Variants in MKLN1 observed in about 807,000 individuals in gnomAD.
MKLN1 encodes the protein muskelin 1.
MKLN1 carries 18 observed loss-of-function variants against 99.0 expected under a neutral mutation model. The observed-to-expected ratio is 0.18, with a 90% CI of 0.13 to 0.27. MKLN1 has a LOEUF of 0.27. Among genes scored for constraint, MKLN1 ranks in the 10% least tolerant of loss-of-function variants. The pLI, the probability that MKLN1 is intolerant of heterozygous loss-of-function variation, is 1.00. For synonymous variants in MKLN1, 288 were observed against 293.2 expected (o/e 0.98, Z 0.18); for missense variants, 621 against 875.9 (o/e 0.71, Z 3.67).
At chr7:131,169,416 C>T (rs12530892) in intron 2 of MKLN1, among the ~76,000 whole-genome samples, 46,950 of 151,982 alleles carry the variant, frequency 0.31, 8,559 homozygotes, top group Non-Finnish European at 0.42. Flanking sequence ...TACAGTGTCT[C>T]GATAACTATT....
At chr7:131,440,304 C>A (rs1584745113) in intron 10 of MKLN1, among the ~76,000 whole-genome samples, 1 of 152,226 alleles carries the variant, frequency 6.6e-6, no homozygotes, top group Non-Finnish European at 1.5e-5. Context: ...GCCCTGTAAG[C>A]CAGATGAGAG....
At chr7:131,408,035 G>A (rs528493217) in intron 6 of MKLN1, among the ~76,000 whole-genome samples, 2 of 151,818 alleles carry the variant, frequency 1.3e-5, no homozygotes, top group African/African-American at 2.4e-5. Flanking sequence ...GGCCTTTTAC[G>A]TGAATTTATT....
intron 1 of MKLN1, among the ~76,000 whole-genome samples, chr7:131,351,788 G>A (rs1212057694): frequency 6.6e-6 from 1 of 152,116 alleles, no homozygotes. Context: ...CACTTCAGGA[G>A]GCACAAAATG....
chr7:131,281,278 C>T (rs1440313437), intron 3 of MKLN1, among the ~76,000 whole-genome samples: 3 of 151,530 alleles, frequency 2.0e-5, no homozygotes, highest in Admixed American at 2.0e-4. Context: ...GTCCCAGCAA[C>T]ATTTGTTGAA....
chr7:131,429,963 A>G (rs1415128573), intron 9 of MKLN1, among the ~76,000 whole-genome samples: 2 of 152,266 alleles, frequency 1.3e-5, no homozygotes, highest in African/African-American at 4.8e-5. Context: ...GCATTTCCAT[A>G]GTGAATAAGA....
intron 17 of MKLN1, among the ~76,000 whole-genome samples, chr7:131,486,631 T>C (rs1797286048): frequency 1.3e-5 from 2 of 152,140 alleles, no homozygotes; most frequent in Non-Finnish European, 2.9e-5. Context: ...CATATATAAC[T>C]CTTGATGGCT....
Position 131,172,605 on chromosome 7 carries a change from G to A in MKLN1, c.-297+29664G>A, listed in dbSNP as rs370601787. 2.2e-4 allele frequency among the ~76,000 whole-genome samples: 33 copies of A among 152,042 alleles called. 1 individual carries two copies. The highest frequency in any genetic ancestry group is 6.8e-4 in the African/African-American group (28 of 41,408). On this transcript the variant is annotated intron_variant, in intron 2 of 7. Transcript: ENST00000416992. ...GCTAGGATTACAGGCGTGAGCCACC[G>A]TGCCGGCCAAGAATTAATTTATTGA...
intron 12 of MKLN1, among the ~76,000 whole-genome samples, chr7:131,454,645 T>C (rs1489664431): frequency 6.6e-6 from 1 of 152,224 alleles, no homozygotes; most frequent in Non-Finnish European, 1.5e-5. Flanking sequence ...TGGTTAATCA[T>C]GATTAGTCTA....
chr7:131,468,426 C>T (rs17743818), intron 15 of MKLN1, among the ~76,000 whole-genome samples: 27,284 of 151,964 alleles, frequency 0.18, 2,952 homozygotes, highest in Admixed American at 0.32. Context: ...TTTTATAATA[C>T]GGGAGCTTGT....
At chr7:131,288,091 C>T (rs2116593286) in intron 3 of MKLN1, among the ~76,000 whole-genome samples, 1 of 152,274 alleles carries the variant, frequency 6.6e-6, no homozygotes, top group East Asian at 1.9e-4. Flanking sequence ...ATACAAGCCC[C>T]ATGTCCTTCT....
chr7:131,330,994 A>G (rs1366154330), intron 1 of MKLN1, among the ~76,000 whole-genome samples: 1 of 152,184 alleles, frequency 6.6e-6, no homozygotes, highest in East Asian at 1.9e-4. Flanking sequence ...ACTTATTTAA[A>G]TAATTCATAA....
intron 2 of MKLN1, among the ~76,000 whole-genome samples, chr7:131,192,148 TATATAC>T (rs1796562280): frequency 8.4e-6 from 1 of 119,322 alleles, no homozygotes; most frequent in African/African-American, 3.3e-5. Flanking sequence ...TATATACGTA[TATATAC>T]ATATATACTT....
At position 131,242,734 on chromosome 7, in the gene MKLN1, G is replaced by A. The variant is rs201934970; in HGVS notation, c.-179+39760G>A. The stretch of plus-strand genomic sequence containing the variant: ...CATGCTCTGGTGGCTGGAATTGACC[G>A]CTGTCCCCACAAAGTGACAGCTGCC... On this transcript the variant is annotated intron_variant, in intron 3 of 7. Coordinates refer to the MKLN1 transcript ENST00000416992. 2.1e-4 allele frequency: 148 copies of A among 689,456 alleles called. No homozygotes were observed. In the East Asian group the frequency reaches 3.8e-3, roughly 18 times the overall value. 42.7% of individuals were successfully genotyped at this position (689,456 alleles called of 1,614,324 possible).
At chr7:131,206,066 G>T (rs766290935) in intron 3 of MKLN1, among the ~76,000 whole-genome samples, 1 of 151,828 alleles carries the variant, frequency 6.6e-6, no homozygotes, top group Non-Finnish European at 1.5e-5. Flanking sequence ...GCTAATTTTT[G>T]TATTTTTAGT....
intron 1 of MKLN1, among the ~76,000 whole-genome samples, chr7:131,368,970 A>G (rs1452815024): frequency 6.6e-6 from 1 of 151,706 alleles, no homozygotes; most frequent in Non-Finnish European, 1.5e-5. Context: ...TTTGATGTAA[A>G]TTGGATCATA....
chr7:131,493,720 G>C lies in MKLN1; in HGVS notation c.*5992G>C, dbSNP rs1186651850. ...AAAACATTTCAACATGCAGTTTGGGGGCTCCCTTGCTTATTCACTGAGTTT... is the reference window on the plus strand; with the variant it reads ...AAAACATTTCAACATGCAGTTTGGGCGCTCCCTTGCTTATTCACTGAGTTT... On this transcript the variant is annotated 3_prime_UTR_variant, in exon 18 of 18. Coordinates refer to ENST00000352689, the MANE Select transcript of MKLN1 (RefSeq NM_013255.5). 1 of 152,158 alleles carries C rather than the reference G, an allele frequency of 6.6e-6. No homozygotes were observed. Among genetic ancestry groups the C allele is most frequent in the Non-Finnish European group, 1.5e-5 (1 of 68,048 alleles). 9.4% of individuals were successfully genotyped at this position (152,158 alleles called of 1,614,324 possible). A position where few individuals can be genotyped will look rare whatever the true frequency, so the allele number is the denominator to read the frequency against.
chr7:131,395,450 TTTTTA>T (rs56276107), intron 4 of MKLN1, among the ~76,000 whole-genome samples: 71,756 of 133,746 alleles, frequency 0.54, 19,616 homozygotes, highest in Middle Eastern at 0.72. Context: ...GTAAAAATTA[TTTTTA>T]TTTTATTTTA....
intron 2 of MKLN1, among the ~76,000 whole-genome samples, chr7:131,155,692 G>A (rs118028091): frequency 6.6e-6 from 1 of 152,108 alleles, no homozygotes; most frequent in Non-Finnish European, 1.5e-5. Flanking sequence ...CAGCTAGAGC[G>A]ATCTTAAAGA....
At chr7:131,261,674 C>T (rs1584874601) in intron 3 of MKLN1, among the ~76,000 whole-genome samples, 1 of 152,128 alleles carries the variant, frequency 6.6e-6, no homozygotes, top group South Asian at 2.1e-4. Context: ...AATCATTCTG[C>T]CATAATGACA....
Sources: allele counts gnomAD v4.1 joint callset (sites outside exome capture counted in the v4.1 genomes callset), GRCh38; gene constraint gnomAD v4.1.1; transcripts MANE v1.5; gene names NCBI Gene and HGNC (gene_info 2026-07-23, HGNC 2026-07-21).